The following PPP2R1A variants were observed in gnomAD, a reference collection of about 807,000 sequenced individuals.
PPP2R1A encodes the protein serine/threonine-protein phosphatase 2A 65 kDa regulatory subunit A alpha isoform.
A neutral mutation model predicts 67.1 loss-of-function variants in PPP2R1A; 15 were observed. The ratio of observed to expected loss-of-function variants is 0.22; its 90% CI spans 0.15 to 0.34. PPP2R1A has a LOEUF of 0.34. Ranked by LOEUF, PPP2R1A falls within the 10% of genes least tolerant of loss-of-function variation. The pLI, the probability that PPP2R1A is intolerant of heterozygous loss-of-function variation, is 1.00. For synonymous variants in PPP2R1A, 337 were observed against 325.0 expected (o/e 1.04, Z -0.40); for missense variants, 369 against 775.0 (o/e 0.48, Z 6.22).
At chr19:52,225,215 C>T (rs1298609139) in intron 13 of PPP2R1A, among the ~76,000 whole-genome samples, 3 of 151,360 alleles carry the variant, frequency 2.0e-5, no homozygotes, top group Non-Finnish European at 4.4e-5. Flanking sequence ...CAGGGTTTCT[C>T]CATGTTGGTT....
At chr19:52,199,585 G>GT (rs2089527947) in intron 1 of PPP2R1A, among the ~76,000 whole-genome samples, 1 of 152,226 alleles carries the variant, frequency 6.6e-6, no homozygotes, top group Non-Finnish European at 1.5e-5. Context: ...GCTTTTGCAA[G>GT]TAAAGTTATT....
chr19:52,222,289 C>T, intron 13 of PPP2R1A, 48 bp downstream of exon 13: 1 of 1,582,814 alleles, frequency 6.3e-7, no homozygotes, highest in Non-Finnish European at 8.6e-7. Context: ...TTCTTGTGGG[C>T]ACCTTAATCT....
At chr19:52,208,131 G>A (rs1024738180) in intron 3 of PPP2R1A, among the ~76,000 whole-genome samples, 3 of 152,156 alleles carry the variant, frequency 2.0e-5, no homozygotes, top group African/African-American at 7.2e-5. Flanking sequence ...TAATTACAGA[G>A]ACTCCTGTAG....
rs2122360965 is a variant in PPP2R1A, at chr19:52,219,886, C to T, written c.1302+22C>T. On this transcript the variant is annotated intron_variant, in intron 10 of 14. Coordinates refer to ENST00000322088, the MANE Select transcript of PPP2R1A (RefSeq NM_014225.6). This position sits in a 1 kb window ranked among gnomAD's most constrained non-coding sequence, Gnocchi z 4.0. ...GCTGGTGAGTGAGGAGGCCTGGGGG[C>T]CAGGCAGTGCTGCCTCAGGGGAGGT... 1.3e-6 allele frequency: 2 copies of T among 1,598,622 alleles called. No individual in the cohort carries two copies. The highest frequency in any genetic ancestry group is 1.1e-5 in the South Asian group (1 of 89,452).
At chr19:52,208,095 T>C (rs35248573) in intron 3 of PPP2R1A, among the ~76,000 whole-genome samples, 70,267 of 152,086 alleles carry the variant, frequency 0.46, 17,167 homozygotes, top group South Asian at 0.59. Context: ...TCCCGGCCCT[T>C]GCTCTCAGCA....
In PPP2R1A at chr19:52,212,765, G is replaced by A. The variant is rs2122335264; in HGVS notation, c.583G>A (p.Val195Met). 1 of 1,613,898 alleles carries A rather than the reference G, an allele frequency of 6.2e-7. No homozygotes were observed. Among genetic ancestry groups the A allele is most frequent in the Non-Finnish European group, 8.5e-7 (1 of 1,179,954 alleles). Residue 195 changes from valine (V) to methionine (M), a missense_variant, in exon 5 of 15, where the codon GTG becomes ATG. Physicochemically the swap from Val to Met is conservative, Grantham distance 21. Around this residue, in one of 2 missense-constraint regions of PPP2R1A, gnomAD observed 93 missense variants for 266.5 expected, o/e 0.35. Coordinates refer to ENST00000322088, the MANE Select transcript of PPP2R1A (RefSeq NM_014225.6). The surrounding 1 kb of genome is among the most constrained non-coding windows in gnomAD (Gnocchi z 4.1). ...CTCCAAGCTGGGGGAGTTTGCCAAG[G>A]TGCTGGAGCTGGACAACGTCAAGAG... ...AASKLGEFAK[V>M]LELDNVKSEI...
chr19:52,219,522 C>T lies in PPP2R1A; in HGVS notation c.1129-169C>T, dbSNP rs1423681071. Among the ~76,000 whole-genome samples the T allele has an allele frequency of 6.6e-6, 1 of 152,208 alleles. No homozygotes were observed. The highest frequency in any genetic ancestry group is 1.5e-5 in the Non-Finnish European group (1 of 68,040). On this transcript the variant is annotated intron_variant, in intron 9 of 14. Transcript: ENST00000322088. The surrounding 1 kb of genome is among the most constrained non-coding windows in gnomAD (Gnocchi z 4.0). ...CTGCTTAAGTTAGTGATCCATGCTGCTTGCTTTTTGTGTGCCGTTAATGTG... is the reference window on the plus strand; with the variant it reads ...CTGCTTAAGTTAGTGATCCATGCTGTTTGCTTTTTGTGTGCCGTTAATGTG...
In PPP2R1A at chr19:52,216,417, T is replaced by C. The variant is rs113476328; in HGVS notation, c.994-112T>C. The stretch of plus-strand genomic sequence containing the variant: ...GTACCCTAAGCCATCCCCTGCTCTA[T>C]GAATGAGAGGGGCAGAAGCAGGTTA... On this transcript the variant is annotated intron_variant, in intron 8 of 14. Transcript: ENST00000322088. The surrounding 1 kb of genome is among the most constrained non-coding windows in gnomAD (Gnocchi z 4.3). 483 of 1,382,472 alleles carry C rather than the reference T, an allele frequency of 3.5e-4. 2 individuals carry two copies. In the African/African-American group the frequency reaches 6.3e-3, roughly 18 times the overall value. The allele number at this position is 1,382,472 out of a possible 1,614,324, so 85.6% of individuals were successfully genotyped here.
chr19:52,194,850 G>A (rs2089484140), intron 1 of PPP2R1A, among the ~76,000 whole-genome samples: 1 of 152,304 alleles, frequency 6.6e-6, no homozygotes, highest in South Asian at 2.1e-4. Context: ...ATATGGTGGG[G>A]ATTGAGCAGA....
intron 2 of PPP2R1A, 53 bp downstream of exon 2, chr19:52,202,087 T>G: frequency 1.4e-6 from 2 of 1,459,262 alleles, no homozygotes; most frequent in Non-Finnish European, 1.9e-6. Context: ...GGAGGTGGTT[T>G]TCACTATATA....
chr19:52,200,875 C>T (rs1212299218), intron 1 of PPP2R1A, among the ~76,000 whole-genome samples: 4 of 152,346 alleles, frequency 2.6e-5, no homozygotes, highest in African/African-American at 7.2e-5. Context: ...GCTAACCCTC[C>T]GTTTAGGATG....
chr19:52,203,283 C>T (rs1037873901), intron 2 of PPP2R1A, among the ~76,000 whole-genome samples: 2 of 152,164 alleles, frequency 1.3e-5, no homozygotes, highest in African/African-American at 4.8e-5. Context: ...GAGTAGGTGT[C>T]TGCTCGTATG....
chr19:52,217,399 T>TA (rs901364051), intron 9 of PPP2R1A, among the ~76,000 whole-genome samples: 45 of 152,136 alleles, frequency 3.0e-4, no homozygotes, highest in African/African-American at 1.1e-3. Context: ...GACAAGATAT[T>TA]ATGTTGCCCA....
chr19:52,211,623 C>CAA lies in PPP2R1A; in HGVS notation c.503+132_503+133insAA. 3.3e-6 allele frequency: 3 copies of CAA among 901,456 alleles called. No homozygotes were observed. The highest frequency in any genetic ancestry group is 5.0e-6 in the Non-Finnish European group (3 of 603,122). The allele number at this position is 901,456 out of a possible 1,614,324, so 55.8% of individuals were successfully genotyped here. A position where few individuals can be genotyped will look rare whatever the true frequency, so the allele number is the denominator to read the frequency against. ...TCTCTCCACTCCCACTCCTGCTTAC[C>CAA]ACCTGATAGGCCACATCCTCGAGAG... On this transcript the variant is annotated intron_variant, in intron 4 of 14. Coordinates refer to ENST00000322088, the MANE Select transcript of PPP2R1A (RefSeq NM_014225.6). This position sits in a 1 kb window ranked among gnomAD's most constrained non-coding sequence, Gnocchi z 5.3.
intron 9 of PPP2R1A, among the ~76,000 whole-genome samples, chr19:52,217,511 T>G (rs1311874022): frequency 2.0e-5 from 3 of 152,150 alleles, no homozygotes; most frequent in Non-Finnish European, 4.4e-5. Flanking sequence ...GAATAAGAGT[T>G]TTGATCCCCA....
chr19:52,207,281 G>A (rs2122316511), intron 3 of PPP2R1A, among the ~76,000 whole-genome samples: 1 of 152,288 alleles, frequency 6.6e-6, no homozygotes, highest in African/African-American at 2.4e-5. Context: ...CCTGGTATTT[G>A]TCAGGTGGAA....
At position 52,212,987 on chromosome 19, in the gene PPP2R1A, C is replaced by T. The variant is rs201531933; in HGVS notation, c.684C>T (p.Cys228=). 3.7e-6 allele frequency: 6 copies of T among 1,608,356 alleles called. No individual in the cohort carries two copies. In the African/African-American group the frequency reaches 5.3e-5, roughly 14 times the overall value. The change falls in exon 6 of 15, where the codon TGC becomes TGT. Residue 228 remains cysteine (C), a synonymous_variant. Coordinates refer to ENST00000322088, the MANE Select transcript of PPP2R1A (RefSeq NM_014225.6). The surrounding 1 kb of genome is among the most constrained non-coding windows in gnomAD (Gnocchi z 4.1). ...DSVRLLAVEA[C]VNIAQLLPQE... is the part of the protein sequence containing the mutation. ...TGCGGCTGCTGGCGGTGGAGGCGTG[C>T]GTGAACATCGCCCAGCTTCTGCCCC...
chr19:52,215,743 C>T, intron 6 of PPP2R1A, 36 bp from the exon 7 acceptor site: 1 of 1,569,242 alleles, frequency 6.4e-7, no homozygotes, highest in South Asian at 1.1e-5. Context: ...AACTGCCAGC[C>T]CCTCTCACTC....
intron 9 of PPP2R1A, among the ~76,000 whole-genome samples, chr19:52,217,174 AG>A (rs375351176): frequency 3.3e-5 from 5 of 152,212 alleles, no homozygotes; most frequent in African/African-American, 1.2e-4. Flanking sequence ...TGGACAACAG[AG>A]CAAGACTCTG....
Sources: gnomAD v4.1 joint callset for allele counts (sites outside exome capture counted in the v4.1 genomes callset) on GRCh38, gnomAD v4.1.1 for gene constraint, gnomAD v4.1.1 regional missense constraint, Gnocchi (gnomAD v3.1) non-coding constraint, MANE v1.5 for transcripts, NCBI Gene and HGNC (gene_info 2026-07-23, HGNC 2026-07-21) for gene names.